The following COG5 variants were observed in gnomAD, a reference collection of about 807,000 sequenced individuals.
COG5 encodes conserved oligomeric Golgi complex subunit 5.
In COG5, 86 loss-of-function variants were observed where a neutral mutation model predicts 110.4. The observed-to-expected ratio is 0.78, with a 90% CI of 0.65 to 0.93. The LOEUF is 0.93. Ranked by LOEUF, COG5 falls within the 40% of genes least tolerant of loss-of-function variation. COG5 has a pLI of 0.00. For missense variants in COG5, 1,077 were observed against 987.0 expected (o/e 1.09, Z -1.22); for synonymous variants, 360 against 334.6 (o/e 1.08, Z -0.83).
intron 6 of COG5, among the ~76,000 whole-genome samples, chr7:107,487,081 A>ATTTTACTTAATT (rs1797698042): frequency 2.6e-5 from 4 of 152,230 alleles, no homozygotes; most frequent in African/African-American, 9.6e-5. Flanking sequence ...GTAAAATATT[A>ATTTTACTTAATT]ACAAGTATAA....
intron 19 of COG5, among the ~76,000 whole-genome samples, chr7:107,215,614 A>G (rs1799466729): frequency 6.6e-6 from 1 of 152,092 alleles, no homozygotes; most frequent in African/African-American, 2.4e-5. Context: ...CAGTGAGCCA[A>G]GATTGTACCA....
intron 7 of COG5, among the ~76,000 whole-genome samples, chr7:107,385,480 A>T (rs897707406): frequency 6.6e-6 from 1 of 152,252 alleles, no homozygotes; most frequent in Non-Finnish European, 1.5e-5. Flanking sequence ...GGATGAATGG[A>T]TAAACAAAAT....
intron 10 of COG5, among the ~76,000 whole-genome samples, chr7:107,326,439 A>G (rs896496522): frequency 1.3e-5 from 2 of 152,218 alleles, no homozygotes; most frequent in African/African-American, 4.8e-5. Flanking sequence ...TAAAATAATA[A>G]CTGAATTCAG....
intron 7 of COG5, among the ~76,000 whole-genome samples, chr7:107,399,066 G>A (rs764375726): frequency 5.9e-5 from 9 of 152,056 alleles, no homozygotes; most frequent in African/African-American, 2.2e-4. Context: ...GCTAGGTGTG[G>A]TGGCATGTGC....
chr7:107,406,291 T>C (rs1307637348), intron 7 of COG5, among the ~76,000 whole-genome samples: 3 of 152,226 alleles, frequency 2.0e-5, no homozygotes, highest in Non-Finnish European at 2.9e-5. Context: ...CAGATCATTC[T>C]ACACCTACCC....
chr7:107,371,678 G>A (rs1814176773), intron 8 of COG5, among the ~76,000 whole-genome samples: 1 of 152,204 alleles, frequency 6.6e-6, no homozygotes, highest in Non-Finnish European at 1.5e-5. Flanking sequence ...GCTGAAGAAA[G>A]AAATTAAGAT....
intron 12 of COG5, among the ~76,000 whole-genome samples, chr7:107,295,092 TATA>T (rs1806615115): frequency 3.9e-5 from 3 of 77,114 alleles, no homozygotes; most frequent in African/African-American, 1.5e-4. Context: ...TATATATATA[TATA>T]TATATATTTT....
chr7:107,217,112 T>C (rs1241727643), intron 19 of COG5, among the ~76,000 whole-genome samples: 1 of 151,946 alleles, frequency 6.6e-6, no homozygotes, highest in African/African-American at 2.4e-5. Context: ...ACAAATCCAG[T>C]AAACTAGAAA....
chr7:107,492,389 T>G (rs1362044044), intron 6 of COG5, among the ~76,000 whole-genome samples: 1 of 152,124 alleles, frequency 6.6e-6, no homozygotes, highest in African/African-American at 2.4e-5. Context: ...AAAGCACAAA[T>G]TTGTTACCTT....
chr7:107,369,303 G>A (rs1813904578), intron 8 of COG5, among the ~76,000 whole-genome samples: 1 of 150,992 alleles, frequency 6.6e-6, no homozygotes, highest in Admixed American at 6.6e-5. Context: ...TTTAAATGCT[G>A]TGTATTAATC....
At chr7:107,224,403 C>T (rs1800171751) in intron 19 of COG5, among the ~76,000 whole-genome samples, 1 of 152,160 alleles carries the variant, frequency 6.6e-6, no homozygotes, top group Non-Finnish European at 1.5e-5. Context: ...TTTCTTCTTC[C>T]ACTGCTCCTC....
chr7:107,548,385 G>C, intron 3 of COG5, 53 bp from the exon 4 acceptor site: 6 of 1,493,890 alleles, frequency 4.0e-6, no homozygotes, highest in Non-Finnish European at 5.6e-6. Flanking sequence ...GCATCCAACT[G>C]GGTAAATAGT....
chr7:107,372,492 A>G, intron 8 of COG5, 103 bp downstream of exon 8: 1 of 1,093,582 alleles, frequency 9.1e-7, no homozygotes, highest in Non-Finnish European at 1.4e-6. Flanking sequence ...CTACTAAAAA[A>G]TGAGTCATTA....
rs555651947 is a variant in COG5, at chr7:107,335,861, T to C, written c.1027-11340A>G. On this transcript the variant is annotated intron_variant, in intron 10 of 21. Transcript: ENST00000297135. ...AAAAGAGACTACAAGCCAAAGACTA[T>C]AAAAAGGACAAAGATCACTACATAA... 2.0e-5 allele frequency among the ~76,000 whole-genome samples: 3 copies of C among 152,050 alleles called. No individual in the cohort carries two copies. In the South Asian group the frequency reaches 6.2e-4, roughly 32 times the overall value.
chr7:107,555,204 C>T (rs2129177554), intron 2 of COG5, among the ~76,000 whole-genome samples: 1 of 152,288 alleles, frequency 6.6e-6, no homozygotes, highest in East Asian at 1.9e-4. Context: ...AAAATTAGGG[C>T]ACTGCAGATG....
intron 1 of COG5, among the ~76,000 whole-genome samples, chr7:107,563,186 T>A (rs1467396855): frequency 6.6e-6 from 1 of 152,138 alleles, no homozygotes; most frequent in African/African-American, 2.4e-5. Flanking sequence ...CTCTCCAAAC[T>A]GACTAGCAAT....
At chr7:107,367,928 G>A (rs1414618837) in intron 8 of COG5, among the ~76,000 whole-genome samples, 4 of 151,432 alleles carry the variant, frequency 2.6e-5, no homozygotes, top group Non-Finnish European at 5.9e-5. Flanking sequence ...TAAAGCTACT[G>A]AAAAAAAGAG....
chr7:107,291,294 CTTCAAGTTG>C (rs1019942757), intron 12 of COG5, among the ~76,000 whole-genome samples: 2 of 152,102 alleles, frequency 1.3e-5, no homozygotes, highest in Non-Finnish European at 2.9e-5. Context: ...ATCACCCTAG[CTTCAAGTTG>C]GTGAATTCTT....
intron 11 of COG5, among the ~76,000 whole-genome samples, chr7:107,308,770 A>G (rs917013497): frequency 2.6e-5 from 4 of 151,114 alleles, no homozygotes; most frequent in African/African-American, 7.3e-5. Flanking sequence ...CTTTATTTGT[A>G]TCACTATGAA....
Sources: gnomAD v4.1 joint callset for allele counts (sites outside exome capture counted in the v4.1 genomes callset) on GRCh38, gnomAD v4.1.1 for gene constraint, MANE v1.5 for transcripts, NCBI Gene and HGNC (gene_info 2026-07-23, HGNC 2026-07-21) for gene names.